The following MICALL2 variants were observed in gnomAD, a reference collection of about 807,000 sequenced individuals.
MICALL2 encodes MICAL-like protein 2.
Under a neutral mutation model 91.1 loss-of-function variants are expected in MICALL2, and 111 were observed. The observed-to-expected ratio is 1.22, with a 90% CI of 1.04 to 1.43. The LOEUF (loss-of-function observed/expected upper bound fraction) is 1.43. Among genes scored for constraint, MICALL2 ranks in the 40% most tolerant of loss-of-function variants. The pLI, the probability that MICALL2 is intolerant of heterozygous loss-of-function variation, is 0.00. For synonymous variants in MICALL2, 694 were observed against 525.3 expected (o/e 1.32, Z -4.39); for missense variants, 1,556 against 1,236.0 (o/e 1.26, Z -3.88).
intron 15 of MICALL2, among the ~76,000 whole-genome samples, chr7:1,436,453 T>A (rs1779967920): frequency 6.8e-6 from 1 of 147,174 alleles, no homozygotes; most frequent in African/African-American, 2.6e-5. Flanking sequence ...CTCGAGAAGC[T>A]GAGGCAAGAG....
At chr7:1,446,569 G>C in intron 5 of MICALL2, 144 bp downstream of exon 5, 1 of 592,120 alleles carries the variant, frequency 1.7e-6, no homozygotes, top group Non-Finnish European at 3.0e-6. Context: ...AGACGGGGAG[G>C]GGGAGGGGGG....
Position 1,452,755 on chromosome 7 carries a change from G to A in MICALL2, c.144-2467C>T, listed in dbSNP as rs527337332. Among the ~76,000 whole-genome samples the A allele has an allele frequency of 3.3e-5, 5 of 152,226 alleles. No individual in the cohort carries two copies. In the South Asian group the frequency reaches 6.2e-4, roughly 19 times the overall value. On this transcript the variant is annotated intron_variant, in intron 1 of 16. Coordinates refer to ENST00000297508, the MANE Select transcript of MICALL2 (RefSeq NM_182924.4). This position sits in a 1 kb window ranked among gnomAD's most constrained non-coding sequence, Gnocchi z 6.2. ...GACACACCAGAGCCAGTGCCCACAC[G>A]GCACAGGTCTGGGCTGCGAGTTCAA...
rs914302758 is a variant in MICALL2, at chr7:1,448,660, G to T, written c.294C>A (p.Tyr98Ter). The T allele has an allele frequency of 6.2e-7, 1 of 1,612,784 alleles. No homozygotes were observed. ...GGAAGTAGTTGTAATACTGGGACAC[G>T]TAGGTCAAGATGCTCAGCCGGTCAG... is the stretch of plus-strand genomic sequence containing the variant. The part of the protein sequence containing the change: ...KVPDRLSILT[Y>*]VSQYYNYFHG... The change falls in exon 3 of 17, where the codon TAC (tyrosine) becomes TAA (stop). Residue 98 changes from tyrosine (Y) to a stop codon, truncating the protein, a stop_gained. Coordinates refer to ENST00000297508, the MANE Select transcript of MICALL2 (RefSeq NM_182924.4). LOFTEE classifies it high-confidence loss of function.
intron 14 of MICALL2, chr7:1,437,165 T>C: frequency 2.1e-6 from 1 of 483,422 alleles, no homozygotes; most frequent in South Asian, 3.0e-5. Context: ...GCAGACGGCC[T>C]GGGCCTGTGC....
chr7:1,458,856 G>T (rs940488188), intron 1 of MICALL2, among the ~76,000 whole-genome samples: 3 of 152,254 alleles, frequency 2.0e-5, no homozygotes, highest in African/African-American at 4.8e-5. Context: ...GGCAGTGAGA[G>T]CCTCGGAGGG....
In MICALL2 at chr7:1,437,990, G is replaced by A. The variant is rs1212871702; in HGVS notation, c.2312-10C>T. On this transcript the variant is annotated splice_polypyrimidine_tract_variant and intron_variant, in intron 12 of 16. Transcript: ENST00000297508. ...CTATCCTCAGCGTCATCTGGGGAGA[G>A]GAGCCAGCTGGGGCAGGGGGGCCCG... 127 of 1,550,750 alleles carry A rather than the reference G, an allele frequency of 8.2e-5. No individual in the cohort carries two copies. The highest frequency in any genetic ancestry group is 1.1e-4 in the Non-Finnish European group (122 of 1,147,714).
At chr7:1,456,017 G>A (rs1021825384) in intron 1 of MICALL2, among the ~76,000 whole-genome samples, 1 of 151,882 alleles carries the variant, frequency 6.6e-6, no homozygotes, top group Non-Finnish European at 1.5e-5. Flanking sequence ...ACAGCCAAGG[G>A]CTGCATGAGG....
rs61736383 is a variant in MICALL2 at position 1,444,711 on chromosome 7, C to G, written c.1359G>C (p.Arg453=). 439 of 1,612,366 alleles carry G rather than the reference C, an allele frequency of 2.7e-4. 4 individuals are homozygous for G. The African/African-American group carries it at 5.4e-3, about 20-fold the overall frequency. ...LSKDSSKEQA[R]NFLKQALSAL... is the part of the protein sequence containing the mutation. ...CTGAGAGGGCCTGCTTGAGGAAGTT[C>G]CGCGCCTGCTCCTTGCTGCTGTCCT... Residue 453 remains arginine (R), a synonymous_variant, in exon 6 of 17, where the codon CGG becomes CGC. Transcript: ENST00000297508.
At chr7:1,442,103 T>C in intron 7 of MICALL2, 89 bp downstream of exon 7, 1 of 1,438,166 alleles carries the variant, frequency 7.0e-7, no homozygotes, top group South Asian at 1.3e-5. Context: ...GGGCTGATGA[T>C]GAAACCGCAC....
Sources: allele counts gnomAD v4.1 joint callset (sites outside exome capture counted in the v4.1 genomes callset), GRCh38; gene constraint gnomAD v4.1.1; non-coding constraint Gnocchi (gnomAD v3.1); transcripts MANE v1.5; gene names NCBI Gene and HGNC (gene_info 2026-07-23, HGNC 2026-07-21).